The following SLC30A7 variants were observed in gnomAD, a reference collection of about 807,000 sequenced individuals.
The protein encoded by SLC30A7 is solute carrier family 30 member 7.
In SLC30A7, 35 loss-of-function variants were observed where a neutral mutation model predicts 46.0. That is an observed-to-expected ratio of 0.76 (90% CI 0.58 to 1.01). The LOEUF (loss-of-function observed/expected upper bound fraction) is 1.01, where lower values mean the gene tolerates loss of function less well. Ranked by LOEUF, SLC30A7 falls within the 50% of genes least tolerant of loss-of-function variation. SLC30A7 has a pLI of 0.00. For missense variants in SLC30A7, 464 were observed against 451.1 expected (o/e 1.03, Z -0.26); for synonymous variants, 147 against 157.8 (o/e 0.93, Z 0.51).
Position 100,913,808 on chromosome 1 carries a change from T to A in SLC30A7, c.655+2T>A. 1 of 1,613,802 alleles carries A rather than the reference T, an allele frequency of 6.2e-7. No homozygotes were observed. Among genetic ancestry groups the A allele is most frequent in the East Asian group, 2.2e-5 (1 of 44,874 alleles). ...GACATGGACACTTTCATTCTCATGG[T>A]GAGTACAGCCTAGAGACAAATGGAC... On this transcript the variant is annotated splice_donor_variant, in intron 6 of 10. Transcript: ENST00000357650. LOFTEE classifies it high-confidence loss of function.
At chr1:100,966,484 C>T (rs1242625175) in intron 10 of SLC30A7, among the ~76,000 whole-genome samples, 2 of 151,606 alleles carry the variant, frequency 1.3e-5, no homozygotes, top group African/African-American at 2.4e-5. Flanking sequence ...ACTTGGGAGG[C>T]TGAGGCAGGA....
chr1:100,929,390 C>T (rs904127381), intron 8 of SLC30A7, among the ~76,000 whole-genome samples: 1 of 151,680 alleles, frequency 6.6e-6, no homozygotes, highest in African/African-American at 2.4e-5. Flanking sequence ...TAAATGTACA[C>T]CTGATAAAGA....
intron 8 of SLC30A7, among the ~76,000 whole-genome samples, chr1:100,948,055 G>A (rs1242875987): frequency 2.6e-5 from 4 of 152,194 alleles, no homozygotes; most frequent in African/African-American, 9.6e-5. Flanking sequence ...TACATTTAAG[G>A]TTAATATTGT....
At chr1:100,906,223 A>G (rs1651658454) in intron 2 of SLC30A7, among the ~76,000 whole-genome samples, 1 of 152,162 alleles carries the variant, frequency 6.6e-6, no homozygotes, top group Non-Finnish European at 1.5e-5. Flanking sequence ...CTCAGCTTTT[A>G]GCAAGTTCTG....
At chr1:100,957,371 AC>A (rs1655284950) in intron 8 of SLC30A7, among the ~76,000 whole-genome samples, 1 of 152,240 alleles carries the variant, frequency 6.6e-6, no homozygotes, top group African/African-American at 2.4e-5. Context: ...ATTTGGTGAC[AC>A]TGCTTTTTTC....
chr1:100,949,709 C>T (rs541974858), intron 8 of SLC30A7, among the ~76,000 whole-genome samples: 12 of 152,178 alleles, frequency 7.9e-5, no homozygotes, highest in Non-Finnish European at 1.3e-4. Flanking sequence ...CCTACTCAAG[C>T]CTCAGCAATA....
intron 2 of SLC30A7, among the ~76,000 whole-genome samples, chr1:100,900,578 A>T (rs1159257021): frequency 1.3e-5 from 2 of 152,110 alleles, no homozygotes; most frequent in Non-Finnish European, 2.9e-5. Flanking sequence ...TTTATTTCCC[A>T]CCTTAAAAAC....
intron 5 of SLC30A7, 129 bp from the exon 6 acceptor site, chr1:100,913,534 T>A: frequency 1.4e-6 from 1 of 698,462 alleles, no homozygotes; most frequent in Non-Finnish European, 2.4e-6. Flanking sequence ...GTGTAACACT[T>A]TTTACAAGTA....
intron 8 of SLC30A7, among the ~76,000 whole-genome samples, chr1:100,928,282 G>C (rs1310464613): frequency 6.6e-6 from 1 of 152,116 alleles, no homozygotes; most frequent in Non-Finnish European, 1.5e-5. Context: ...AAGGACATCT[G>C]CCTCACCACA....
At chr1:100,901,274 A>G (rs781003961) in intron 2 of SLC30A7, among the ~76,000 whole-genome samples, 3 of 152,176 alleles carry the variant, frequency 2.0e-5, no homozygotes, top group Non-Finnish European at 2.9e-5. Flanking sequence ...TTTAGCTTAT[A>G]TGTCTCTTAA....
intron 3 of SLC30A7, among the ~76,000 whole-genome samples, chr1:100,909,759 A>G (rs554006743): frequency 6.6e-6 from 1 of 152,268 alleles, no homozygotes; most frequent in Admixed American, 6.5e-5. Context: ...AGATGCCTGA[A>G]AAACATTCTT....
Position 100,974,808 on chromosome 1 carries a change from A to G in SLC30A7, c.1084-2A>G. On this transcript the variant is annotated splice_acceptor_variant, in intron 10 of 10. Transcript: ENST00000357650. LOFTEE classifies it high-confidence loss of function. ...CTAACTTTTTTTTTTCTTACTTTTC[A>G]GGCTGGAGTGAGACAGCTCTACGTA... The G allele has an allele frequency of 2.5e-6, 4 of 1,573,506 alleles. No individual in the cohort carries two copies. Among genetic ancestry groups the G allele is most frequent in the Non-Finnish European group, 3.5e-6 (4 of 1,153,122 alleles).
chr1:100,936,360 C>T (rs371850928), intron 8 of SLC30A7, among the ~76,000 whole-genome samples: 2 of 151,916 alleles, frequency 1.3e-5, no homozygotes, highest in African/African-American at 4.8e-5. Flanking sequence ...ATGGGTATCC[C>T]CAAGGGTATT....
intron 10 of SLC30A7, among the ~76,000 whole-genome samples, chr1:100,971,774 A>G (rs1306414919): frequency 6.6e-6 from 1 of 152,168 alleles, no homozygotes; most frequent in Non-Finnish European, 1.5e-5. Flanking sequence ...AAGGAAGAGT[A>G]AGGCAGTTTT....
At chr1:100,957,119 C>T (rs1376706305) in intron 8 of SLC30A7, among the ~76,000 whole-genome samples, 2 of 152,148 alleles carry the variant, frequency 1.3e-5, no homozygotes, top group East Asian at 3.8e-4. Flanking sequence ...TGGAGTCTAA[C>T]GACCTGATCT....
intron 8 of SLC30A7, among the ~76,000 whole-genome samples, chr1:100,937,476 G>A (rs1654041093): frequency 6.6e-6 from 1 of 151,856 alleles, no homozygotes; most frequent in Non-Finnish European, 1.5e-5. Flanking sequence ...TTTTATTTTT[G>A]TTTTTTGTTT....
At position 100,936,812 on chromosome 1, in the gene SLC30A7, A is replaced by G. The variant is rs1217098098; in HGVS notation, c.842+14971A>G. Among the ~76,000 whole-genome samples, 3 of 152,212 alleles carry G rather than the reference A, an allele frequency of 2.0e-5. No homozygotes were observed. The South Asian group carries it at 6.2e-4, about 31-fold the overall frequency. ...TTCTGTCTCTATGAAGTTGTGAAAT[A>G]TATAAGTGGTACCTTATAAAAGTAG... is the stretch of plus-strand genomic sequence containing the variant. On this transcript the variant is annotated intron_variant, in intron 8 of 10. Coordinates refer to ENST00000357650, the MANE Select transcript of SLC30A7 (RefSeq NM_133496.5).
At chr1:100,936,063 T>C (rs1197280921) in intron 8 of SLC30A7, among the ~76,000 whole-genome samples, 2 of 152,076 alleles carry the variant, frequency 1.3e-5, no homozygotes, top group Non-Finnish European at 2.9e-5. Flanking sequence ...ATATTTTAAA[T>C]TGTCTTCTTT....
intron 8 of SLC30A7, among the ~76,000 whole-genome samples, chr1:100,925,750 CT>C (rs1359043825): frequency 1.4e-4 from 22 of 152,080 alleles, no homozygotes; most frequent in African/African-American, 5.1e-4. Context: ...ATAAAAAATT[CT>C]GTTTTGGATA....
Sources: gnomAD v4.1 joint callset for allele counts (sites outside exome capture counted in the v4.1 genomes callset) on GRCh38, gnomAD v4.1.1 for gene constraint, MANE v1.5 for transcripts, NCBI Gene and HGNC (gene_info 2026-07-23, HGNC 2026-07-21) for gene names.